The following WDR49 variants were observed in gnomAD, a reference collection of about 807,000 sequenced individuals.
The protein encoded by WDR49 is cilia- and flagella-associated protein 337.
In WDR49, 107 loss-of-function variants were observed where a neutral mutation model predicts 119.5. That is an observed-to-expected ratio of 0.90 (90% CI 0.77 to 1.05). The LOEUF is 1.05. WDR49 is among the 50% of genes least tolerant of loss of function. WDR49 has a pLI of 0.00. For synonymous variants in WDR49, 425 were observed against 418.8 expected, an observed-to-expected ratio of 1.01 and a Z score of -0.18; for missense variants, 1,240 against 1,220.5, an observed-to-expected ratio of 1.02 and a Z score of -0.24.
intron 5 of WDR49, among the ~76,000 whole-genome samples, chr3:167,611,371 T>C (rs931432912): frequency 6.6e-6 from 1 of 152,092 alleles, no homozygotes; most frequent in Non-Finnish European, 1.5e-5. Flanking sequence ...AACTAAATCA[T>C]ATCATCAGAG....
chr3:167,527,331 C>G (rs989910467), intron 15 of WDR49, among the ~76,000 whole-genome samples: 1 of 152,078 alleles, frequency 6.6e-6, no homozygotes, highest in Non-Finnish European at 1.5e-5. Context: ...TAGAACAGTA[C>G]CCCACGTACA....
chr3:167,629,498 C>T (rs1490579858), intron 2 of WDR49, among the ~76,000 whole-genome samples: 2 of 152,062 alleles, frequency 1.3e-5, no homozygotes, highest in Non-Finnish European at 2.9e-5. Flanking sequence ...ACACAGTGTA[C>T]ATACTGCAGC....
At chr3:167,631,011 G>T (rs1016274355) in intron 2 of WDR49, among the ~76,000 whole-genome samples, 3 of 151,526 alleles carry the variant, frequency 2.0e-5, no homozygotes, top group Non-Finnish European at 2.9e-5. Context: ...AGCGAAATCC[G>T]CAACAATAAG....
intron 7 of WDR49, among the ~76,000 whole-genome samples, chr3:167,596,613 C>T (rs1487127535): frequency 7.5e-5 from 11 of 147,280 alleles, no homozygotes; most frequent in Non-Finnish European, 1.0e-4. Flanking sequence ...AGTAAACTAT[C>T]GCAAGAACAA....
At chr3:167,576,233 C>T (rs1261415199) in intron 7 of WDR49, 82 bp from the exon 8 acceptor site, 1 of 1,117,312 alleles carries the variant, frequency 9.0e-7, no homozygotes, top group African/African-American at 1.6e-5. Context: ...AGCTCACCCT[C>T]AATACCAGGC....
rs372781947 is a variant in WDR49, at chr3:167,610,857, T to C, written c.959-6389A>G. Among the ~76,000 whole-genome samples the C allele has an allele frequency of 2.9e-4, 44 of 152,216 alleles. 1 individual carries two copies. The highest frequency in any genetic ancestry group is 8.7e-4 in the African/African-American group (36 of 41,464). On this transcript the variant is annotated intron_variant, in intron 5 of 18. Transcript: ENST00000682715. ...TCAGAACAGACAGAGAGACTTTGCATGTTTGGGGGACAGTAAGGGAGAGAA... is the reference window on the plus strand; with the variant it reads ...TCAGAACAGACAGAGAGACTTTGCACGTTTGGGGGACAGTAAGGGAGAGAA...
intron 5 of WDR49, among the ~76,000 whole-genome samples, chr3:167,619,688 T>C (rs1210823483): frequency 6.6e-6 from 1 of 152,174 alleles, no homozygotes; most frequent in Non-Finnish European, 1.5e-5. Flanking sequence ...AATGAGATTG[T>C]TAATTTTCAT....
intron 3 of WDR49, among the ~76,000 whole-genome samples, chr3:167,624,319 T>C (rs1577285376): frequency 6.7e-6 from 1 of 149,406 alleles, no homozygotes; most frequent in African/African-American, 2.5e-5. Context: ...AAAACGTGGA[T>C]AATTCTCAAA....
Position 167,537,947 on chromosome 3 carries a change from AG to A in WDR49, c.1824-948del, listed in dbSNP as rs1426785715. On this transcript the variant is annotated intron_variant, in intron 10 of 18. Coordinates refer to ENST00000682715, the MANE Select transcript of WDR49 (RefSeq NM_001366157.1). ...CCTACCAGTGTTACTCCTCAGCCTC[AG>A]AGTTTCCAGTATGTTCTGCTTCTCT... is the stretch of plus-strand genomic sequence containing the variant. 3.3e-5 allele frequency among the ~76,000 whole-genome samples: 5 copies of A among 152,206 alleles called. No individual in the cohort carries two copies. In the East Asian group the frequency reaches 9.7e-4, roughly 29 times the overall value.
chr3:167,488,152 AC>A (rs1750995994), intron 18 of WDR49, among the ~76,000 whole-genome samples: 1 of 77,906 alleles, frequency 1.3e-5, no homozygotes, highest in Admixed American at 1.0e-4. Context: ...TCAAACACAC[AC>A]ACACACACAC....
At chr3:167,639,085 A>C (rs1717754582) in intron 2 of WDR49, among the ~76,000 whole-genome samples, 1 of 151,768 alleles carries the variant, frequency 6.6e-6, no homozygotes, top group Non-Finnish European at 1.5e-5. Context: ...TATCACTATC[A>C]GCTTTTGTGC....
intron 10 of WDR49, among the ~76,000 whole-genome samples, chr3:167,545,734 G>A (rs1164289153): frequency 6.7e-6 from 1 of 149,830 alleles, no homozygotes; most frequent in East Asian, 1.9e-4. Context: ...GGGGAGTGAG[G>A]GATAAAAGAC....
intron 18 of WDR49, among the ~76,000 whole-genome samples, chr3:167,499,639 T>C (rs1441947669): frequency 1.3e-5 from 2 of 152,362 alleles, no homozygotes; most frequent in South Asian, 2.1e-4. Flanking sequence ...CTTGTTTCTA[T>C]ATCTTTAGGG....
intron 17 of WDR49, among the ~76,000 whole-genome samples, chr3:167,503,584 C>G (rs1577202403): frequency 6.6e-6 from 1 of 152,182 alleles, no homozygotes; most frequent in Non-Finnish European, 1.5e-5. Flanking sequence ...GGCACTTAGC[C>G]GTGCAGGAAC....
chr3:167,577,972 T>C (rs946228607), intron 7 of WDR49, among the ~76,000 whole-genome samples: 1 of 152,118 alleles, frequency 6.6e-6, no homozygotes, highest in Non-Finnish European at 1.5e-5. Flanking sequence ...CTCACAAACA[T>C]ACTAACAGGT....
At chr3:167,504,498 T>C (rs1475714095) in intron 17 of WDR49, among the ~76,000 whole-genome samples, 1 of 152,258 alleles carries the variant, frequency 6.6e-6, no homozygotes, top group Non-Finnish European at 1.5e-5. Context: ...GTTTATCCAA[T>C]GCCTATGCCC....
At position 167,626,902 on chromosome 3, in the gene WDR49, G is replaced by A. The variant is rs1335810014; in HGVS notation, c.556C>T (p.Leu186Phe). The change falls in exon 3 of 19, where the codon CTC becomes TTC. Residue 186 changes from leucine to phenylalanine, a missense_variant. Transcript: ENST00000682715. ...TFPITSDATK[L>F]KHLWVTSLVS... ...AGACTTGTCACCCACAGGTGTTTGA[G>A]CTTGGTGGCATCTGAAGTGATGGGG... 4 of 1,267,360 alleles carry A rather than the reference G, an allele frequency of 3.2e-6. No individual in the cohort carries two copies. The highest frequency in any genetic ancestry group is 4.0e-6 in the Non-Finnish European group (4 of 1,006,758). 78.5% of individuals were successfully genotyped at this position (1,267,360 alleles called of 1,614,324 possible).
chr3:167,489,112 T>G (rs1021169082), intron 18 of WDR49, among the ~76,000 whole-genome samples: 3 of 152,142 alleles, frequency 2.0e-5, no homozygotes, highest in Non-Finnish European at 4.4e-5. Flanking sequence ...ATTTATCTAC[T>G]TATTATTACC....
At chr3:167,513,964 G>C (rs908801533) in intron 16 of WDR49, among the ~76,000 whole-genome samples, 1 of 152,180 alleles carries the variant, frequency 6.6e-6, no homozygotes, top group African/African-American at 2.4e-5. Context: ...CATAAAACAA[G>C]TTCTTAGAGA....
Sources: gnomAD v4.1 joint callset for allele counts (sites outside exome capture counted in the v4.1 genomes callset) on GRCh38, gnomAD v4.1.1 for gene constraint, MANE v1.5 for transcripts, NCBI Gene and HGNC (gene_info 2026-07-23, HGNC 2026-07-21) for gene names.